The following GFPT1 variants were observed in gnomAD, a reference collection of about 807,000 sequenced individuals.
GFPT1 encodes the protein glutamine--fructose-6-phosphate transaminase 1, also known as glutamine--fructose-6-phosphate aminotransferase [isomerizing] 1.
A neutral mutation model predicts 92.0 loss-of-function variants in GFPT1; 40 were observed. That is an observed-to-expected ratio of 0.43 (90% confidence interval 0.34 to 0.57). The LOEUF is 0.57. GFPT1 is among the 20% of genes least tolerant of loss of function. The pLI is 0.02. For synonymous variants in GFPT1, 269 were observed against 280.6 expected, an observed-to-expected ratio of 0.96 and a Z score of 0.41; for missense variants, 448 against 869.1, an observed-to-expected ratio of 0.52 and a Z score of 6.09.
chr2:69,365,073 A>T (rs1403657493), intron 3 of GFPT1, among the ~76,000 whole-genome samples: 1 of 149,234 alleles, frequency 6.7e-6, no homozygotes, highest in Non-Finnish European at 1.5e-5. Context: ...GGGGTTTCTT[A>T]AAAAAATGGA....
chr2:69,363,546 A>C lies in GFPT1; in HGVS notation c.348T>G (p.Asn116Lys), dbSNP rs1380085603. 1 of 1,614,012 alleles carries C rather than the reference A, an allele frequency of 6.2e-7. No individual in the cohort carries two copies. Among genetic ancestry groups the C allele is most frequent in the Admixed American group, 1.7e-5 (1 of 60,006 alleles). The change falls in exon 4 of 20, where the codon AAT (asparagine) becomes AAG (lysine). Residue 116 changes from asparagine to lysine, a missense_variant and splice_region_variant. Around this residue, in one of 7 missense-constraint regions of GFPT1, gnomAD observed 118 missense variants for 192.9 expected, o/e 0.61. Transcript: ENST00000357308. Reference sequence around the variant, plus strand: ...AAAGCACAAAAAATCTTTCCATACCATTATTTTTATCAGAGCGCTGGGGGT... The same window carrying C: ...AAAGCACAAAAAATCTTTCCATACCCTTATTTTTATCAGAGCGCTGGGGGT... ...NSHPQRSDKNNEFIVIHNGII... is the reference protein window; with the variant it reads ...NSHPQRSDKNKEFIVIHNGII...
At chr2:69,358,889 A>G (rs1671404658) in intron 5 of GFPT1, among the ~76,000 whole-genome samples, 1 of 152,142 alleles carries the variant, frequency 6.6e-6, no homozygotes, top group East Asian at 1.9e-4. Flanking sequence ...GACCACTACT[A>G]TACAGTATAT....
chr2:69,358,203 T>G, intron 6 of GFPT1, 126 bp downstream of exon 6: 1 of 724,000 alleles, frequency 1.4e-6, no homozygotes, highest in South Asian at 1.7e-5. Context: ...TCAACTTGAA[T>G]AGTTATATGA....
At position 69,326,146 on chromosome 2, in the gene GFPT1, G is replaced by A; in HGVS notation, c.*43C>T. The A allele has an allele frequency of 1.5e-6, 2 of 1,315,426 alleles. No homozygotes were observed. The highest frequency in any genetic ancestry group is 1.1e-6 in the Non-Finnish European group (1 of 911,766). The allele number at this position is 1,315,426 out of a possible 1,614,324, so 81.5% of individuals were successfully genotyped here. A position where few individuals can be genotyped will look rare whatever the true frequency, so the allele number is the denominator to read the frequency against. On this transcript the variant is annotated 3_prime_UTR_variant, in exon 20 of 20. Coordinates refer to ENST00000357308, the MANE Select transcript of GFPT1 (RefSeq NM_001244710.2). ...GTTTTAAATACAAAAGGTGTCTTGT[G>A]TTGCTTAATCATACAGTTTCGTACA... is the stretch of plus-strand genomic sequence containing the variant.
At chr2:69,366,073 C>G (rs1671603333) in intron 3 of GFPT1, among the ~76,000 whole-genome samples, 1 of 151,790 alleles carries the variant, frequency 6.6e-6, no homozygotes, top group Admixed American at 6.6e-5. Context: ...CTCAACCTCC[C>G]AAAGTGCTGG....
intron 10 of GFPT1, among the ~76,000 whole-genome samples, chr2:69,349,806 AATAAGAAGGAAAAAAAT>A (rs1360270622): frequency 8.5e-5 from 13 of 152,186 alleles, no homozygotes; most frequent in Non-Finnish European, 1.9e-4. Context: ...AGGCTCCTGA[AATAAGAAGGAAAAAAAT>A]GTAAGAGCTC....
rs1244965233 is a variant in GFPT1, at chr2:69,324,721, GTGCTAAA to G, written c.*1461_*1467del. ...GAAAAAACAGCTTACTTAAATAATT[GTGCTAAA>G]TAGCTTATCTTCACAATTTAAAAGT... On this transcript the variant is annotated 3_prime_UTR_variant, in exon 20 of 20. Coordinates refer to ENST00000357308, the MANE Select transcript of GFPT1 (RefSeq NM_001244710.2). 2.6e-5 allele frequency: 4 copies of G among 152,038 alleles called. No homozygotes were observed. Among genetic ancestry groups the G allele is most frequent in the African/African-American group, 9.7e-5 (4 of 41,412 alleles). 9.4% of individuals were successfully genotyped at this position (152,038 alleles called of 1,614,324 possible). A position where few individuals can be genotyped will look rare whatever the true frequency, so the allele number is the denominator to read the frequency against.
intron 9 of GFPT1, among the ~76,000 whole-genome samples, chr2:69,351,647 G>A (rs1284753537): frequency 1.3e-5 from 2 of 151,974 alleles, no homozygotes; most frequent in African/African-American, 4.8e-5. Context: ...AAGTATATTC[G>A]AAGTTTTCCA....
At chr2:69,327,189 A>G (rs192134800) in intron 18 of GFPT1, 114 bp from the exon 19 acceptor site, 2 of 846,376 alleles carry the variant, frequency 2.4e-6, no homozygotes, top group African/African-American at 3.3e-5. Flanking sequence ...TCACGGACAG[A>G]CTTCTTTAAA....
chr2:69,333,910 C>G (rs1670732274), intron 15 of GFPT1, among the ~76,000 whole-genome samples: 1 of 152,226 alleles, frequency 6.6e-6, no homozygotes, highest in Admixed American at 6.5e-5. Flanking sequence ...GTAATCCCAG[C>G]ACTTTGGGAG....
At chr2:69,384,315 A>T (rs1157132455) in intron 1 of GFPT1, among the ~76,000 whole-genome samples, 1 of 152,356 alleles carries the variant, frequency 6.6e-6, no homozygotes, top group African/African-American at 2.4e-5. Context: ...GCTGGTAAAC[A>T]TATCAATTTT....
At chr2:69,347,537 G>A (rs536652260) in intron 11 of GFPT1, among the ~76,000 whole-genome samples, 1 of 151,410 alleles carries the variant, frequency 6.6e-6, no homozygotes, top group East Asian at 1.9e-4. Flanking sequence ...GAGTGCAATG[G>A]CGCAATCTCG....
At chr2:69,376,840 T>C (rs1319246157) in intron 1 of GFPT1, among the ~76,000 whole-genome samples, 1 of 152,242 alleles carries the variant, frequency 6.6e-6, no homozygotes, top group African/African-American at 2.4e-5. Flanking sequence ...AAGATGTATA[T>C]GAATGTGTTA....
At chr2:69,346,342 G>A (rs1286052835) in intron 11 of GFPT1, among the ~76,000 whole-genome samples, 1 of 152,114 alleles carries the variant, frequency 6.6e-6, no homozygotes, top group Non-Finnish European at 1.5e-5. Context: ...GGATTCAAGG[G>A]ATTCCCCTGC....
At chr2:69,342,309 G>T in intron 12 of GFPT1, 60 bp from the exon 13 acceptor site, 1 of 1,011,402 alleles carries the variant, frequency 9.9e-7, no homozygotes, top group African/African-American at 1.6e-5. Context: ...CTAGGCAATC[G>T]CATTTTGTGA....
intron 2 of GFPT1, among the ~76,000 whole-genome samples, chr2:69,373,445 T>C (rs2104687133): frequency 6.6e-6 from 1 of 152,172 alleles, no homozygotes; most frequent in East Asian, 1.9e-4. Flanking sequence ...AGTGAGACTC[T>C]CGTGTCTACA....
chr2:69,330,684 C>T (rs1458535781), intron 15 of GFPT1, among the ~76,000 whole-genome samples: 1 of 151,354 alleles, frequency 6.6e-6, no homozygotes, highest in Admixed American at 6.6e-5. Context: ...CTATTAATAA[C>T]ACTTGTGAAT....
Position 69,327,019 on chromosome 2 carries a change from T to C in GFPT1, c.1950A>G (p.Lys650=). 1 of 1,614,126 alleles carries C rather than the reference T, an allele frequency of 6.2e-7. No individual in the cohort carries two copies. The highest frequency in any genetic ancestry group is 8.5e-7 in the Non-Finnish European group (1 of 1,180,002). ...KEDTETIKNT[K]RTIKVPHSVD... ...CTGAGTGGGGCACCTTGATCGTTCT[T>C]TTTGTGTTCTTAATGGTCTCAGTAT... The change falls in exon 19 of 20, where the codon AAA becomes AAG. Residue 650 remains lysine (K), a synonymous_variant. Coordinates refer to ENST00000357308, the MANE Select transcript of GFPT1 (RefSeq NM_001244710.2).
At chr2:69,351,998 A>ACACC (rs1256298830) in intron 9 of GFPT1, among the ~76,000 whole-genome samples, 1 of 152,226 alleles carries the variant, frequency 6.6e-6, no homozygotes, top group Non-Finnish European at 1.5e-5. Context: ...ACAGTGGCTC[A>ACACC]TGCTTTTAAT....
Sources: allele counts gnomAD v4.1 joint callset (sites outside exome capture counted in the v4.1 genomes callset), GRCh38; gene constraint gnomAD v4.1.1; regional missense constraint gnomAD v4.1.1; transcripts MANE v1.5; gene names NCBI Gene and HGNC (gene_info 2026-07-23, HGNC 2026-07-21).